Variants in WARS2 observed in about 807,000 individuals in gnomAD.
WARS2 encodes tryptophanyl tRNA synthetase 2, mitochondrial, also known as tryptophan--tRNA ligase, mitochondrial.
A neutral mutation model predicts 36.5 loss-of-function variants in WARS2; 28 were observed. The ratio of observed to expected loss-of-function variants is 0.77; its 90% CI spans 0.57 to 1.05. The LOEUF is 1.05. Among genes scored for constraint, WARS2 ranks in the 50% least tolerant of loss-of-function variants. The pLI is 0.00. For synonymous variants in WARS2, 174 were observed against 178.4 expected (o/e 0.98, Z 0.20); for missense variants, 435 against 456.8 (o/e 0.95, Z 0.44).
intron 2 of WARS2, among the ~76,000 whole-genome samples, chr1:119,051,205 C>T (rs989604653): frequency 2.0e-5 from 3 of 151,926 alleles, no homozygotes; most frequent in Non-Finnish European, 4.4e-5. Flanking sequence ...TTAAGTAGGC[C>T]CCAGTGTCTG....
chr1:119,086,733 G>A (rs1426071024), intron 1 of WARS2, among the ~76,000 whole-genome samples: 1 of 152,168 alleles, frequency 6.6e-6, no homozygotes, highest in Non-Finnish European at 1.5e-5. Context: ...GGATAGAGGT[G>A]CAAATATCAC....
intron 1 of WARS2, among the ~76,000 whole-genome samples, chr1:119,090,787 T>G (rs1652987143): frequency 2.0e-5 from 3 of 152,138 alleles, no homozygotes; most frequent in African/African-American, 7.2e-5. Flanking sequence ...TACCAGCTAC[T>G]CAAGAGGCTG....
intron 1 of WARS2, among the ~76,000 whole-genome samples, chr1:119,088,692 C>CATG (rs1652842554): frequency 1.3e-5 from 2 of 152,152 alleles, no homozygotes; most frequent in Admixed American, 1.3e-4. Flanking sequence ...AACAAGTAGG[C>CATG]ATGCTATCTT....
intron 1 of WARS2, chr1:119,127,281 C>G: frequency 1.4e-6 from 1 of 724,924 alleles, no homozygotes; most frequent in Non-Finnish European, 2.4e-6. Flanking sequence ...CTTGTTCTTG[C>G]CAACCTCCAT....
chr1:119,120,197 T>C (rs1473358080), intron 1 of WARS2, among the ~76,000 whole-genome samples: 1 of 151,602 alleles, frequency 6.6e-6, no homozygotes, highest in Non-Finnish European at 1.5e-5. Flanking sequence ...CCAAATAAGC[T>C]CAATTAGAAA....
chr1:119,034,040 C>T, intron 5 of WARS2, 55 bp downstream of exon 5: 2 of 1,505,374 alleles, frequency 1.3e-6, no homozygotes, highest in Non-Finnish European at 9.2e-7. Flanking sequence ...TATCTATTGT[C>T]CAATCCTCTC....
At chr1:119,067,987 G>T (rs1415208533) in intron 2 of WARS2, among the ~76,000 whole-genome samples, 2 of 152,118 alleles carry the variant, frequency 1.3e-5, no homozygotes, top group Non-Finnish European at 2.9e-5. Context: ...GGAAACTGTG[G>T]AGAAGGAAAT....
intron 1 of WARS2, among the ~76,000 whole-genome samples, chr1:119,091,510 C>T (rs993651084): frequency 1.3e-5 from 2 of 152,148 alleles, no homozygotes; most frequent in Admixed American, 1.3e-4. Context: ...ATTTGTTTTA[C>T]CCCTTTGATT....
intron 2 of WARS2, among the ~76,000 whole-genome samples, chr1:119,069,458 T>A (rs746723458): frequency 6.6e-6 from 1 of 152,220 alleles, no homozygotes; most frequent in Non-Finnish European, 1.5e-5. Flanking sequence ...CTTTTAAAAA[T>A]GTAGATAAAT....
At chr1:119,078,915 T>C (rs1468986640) in intron 1 of WARS2, among the ~76,000 whole-genome samples, 1 of 151,288 alleles carries the variant, frequency 6.6e-6, no homozygotes, top group African/African-American at 2.4e-5. Flanking sequence ...TGTGTGTGTG[T>C]GTGTGCATAT....
chr1:119,073,376 C>T (rs587763600), intron 2 of WARS2, among the ~76,000 whole-genome samples: 1 of 151,996 alleles, frequency 6.6e-6, no homozygotes, highest in Non-Finnish European at 1.5e-5. Context: ...TTGCCTGAGC[C>T]AAAGGACGAA....
chr1:119,055,819 G>A (rs1649740691), intron 2 of WARS2, among the ~76,000 whole-genome samples: 2 of 152,006 alleles, frequency 1.3e-5, no homozygotes, highest in African/African-American at 4.8e-5. Context: ...ATAGTCAAAA[G>A]TTATGGATTG....
chr1:119,032,764 A>G lies in WARS2; in HGVS notation c.*147T>C. 1 of 748,460 alleles carries G rather than the reference A, an allele frequency of 1.3e-6. No homozygotes were observed. The highest frequency in any genetic ancestry group is 2.1e-6 in the Non-Finnish European group (1 of 471,200). 46.4% of individuals were successfully genotyped at this position (748,460 alleles called of 1,614,324 possible). On this transcript the variant is annotated 3_prime_UTR_variant, in exon 6 of 6. Transcript: ENST00000235521. ...AACACTGTCGTATTTCAAAGCTACA[A>G]AGCAATATTCATCAAATAAAGCCAA...
At chr1:119,135,163 C>G (rs1656396562) in intron 1 of WARS2, among the ~76,000 whole-genome samples, 1 of 152,162 alleles carries the variant, frequency 6.6e-6, no homozygotes, top group Admixed American at 6.5e-5. Context: ...CGGTGCAGCT[C>G]CTTAAAAATA....
At chr1:119,052,415 C>G (rs1649442149) in intron 2 of WARS2, among the ~76,000 whole-genome samples, 1 of 152,096 alleles carries the variant, frequency 6.6e-6, no homozygotes, top group Non-Finnish European at 1.5e-5. Flanking sequence ...TCTTACTATC[C>G]CCATGACAAA....
intron 4 of WARS2, among the ~76,000 whole-genome samples, chr1:119,035,624 T>A (rs1030021883): frequency 1.2e-4 from 19 of 152,182 alleles, no homozygotes; most frequent in African/African-American, 4.6e-4. Context: ...CTGACTTTTT[T>A]CACACCAGAT....
chr1:119,094,760 C>G (rs917251529), intron 1 of WARS2, among the ~76,000 whole-genome samples: 1 of 152,122 alleles, frequency 6.6e-6, no homozygotes, highest in Admixed American at 6.5e-5. Context: ...CTATAGTCCT[C>G]ATGTTGTATT....
chr1:119,069,722 G>A (rs1457410659), intron 2 of WARS2, among the ~76,000 whole-genome samples: 5 of 152,290 alleles, frequency 3.3e-5, no homozygotes, highest in African/African-American at 1.2e-4. Flanking sequence ...TTTTACATGA[G>A]GGCAGGAGAG....
At chr1:119,116,839 T>G (rs1038101171) in intron 1 of WARS2, among the ~76,000 whole-genome samples, 1 of 152,130 alleles carries the variant, frequency 6.6e-6, no homozygotes, top group African/African-American at 2.4e-5. Flanking sequence ...TAAGGGAAGC[T>G]CCTAGCTGAA....
Sources: allele counts gnomAD v4.1 joint callset (sites outside exome capture counted in the v4.1 genomes callset), GRCh38; gene constraint gnomAD v4.1.1; transcripts MANE v1.5; gene names NCBI Gene and HGNC (gene_info 2026-07-23, HGNC 2026-07-21).